Variants in MCM8 observed in about 807,000 individuals in gnomAD.
MCM8 encodes minichromosome maintenance 8 homologous recombination repair factor.
A neutral mutation model predicts 98.9 loss-of-function variants in MCM8; 85 were observed. The ratio of observed to expected loss-of-function variants is 0.86; its 90% CI spans 0.72 to 1.03. The LOEUF (loss-of-function observed/expected upper bound fraction) is 1.03, where lower values mean the gene tolerates loss of function less well. MCM8 is among the 50% of genes least tolerant of loss of function. MCM8 has a pLI of 0.00. For missense variants in MCM8, 951 were observed against 997.8 expected (o/e 0.95, Z 0.63); for synonymous variants, 352 against 338.6 (o/e 1.04, Z -0.44).
Position 5,955,009 on chromosome 20 carries a change from G to C in MCM8, c.337-93G>C, listed in dbSNP as rs1203410783. The C allele has an allele frequency of 1.3e-5, 11 of 859,272 alleles. No individual in the cohort carries two copies. In the East Asian group the frequency reaches 2.6e-4, roughly 20 times the overall value. The allele number at this position is 859,272 out of a possible 1,614,324, so 53.2% of individuals were successfully genotyped here. On this transcript the variant is annotated intron_variant, in intron 4 of 18. Transcript: ENST00000610722. ...CTTACCATTATCACATATAAACATT[G>C]TATGCTTTCTCAAAGTCTATAATAG...
intron 13 of MCM8, among the ~76,000 whole-genome samples, chr20:5,979,089 G>A (rs1024590909): frequency 6.6e-6 from 1 of 152,144 alleles, no homozygotes; most frequent in African/African-American, 2.4e-5. Context: ...AGTTAAGGTC[G>A]TTCATTCCTT....
intron 12 of MCM8, among the ~76,000 whole-genome samples, chr20:5,975,843 T>C (rs963041532): frequency 1.3e-5 from 2 of 151,858 alleles, no homozygotes; most frequent in Non-Finnish European, 2.9e-5. Context: ...TGTTCTAAAA[T>C]GTGTCCAGTG....
In MCM8 at chr20:5,958,533, A is replaced by G. The variant is rs1435119035; in HGVS notation, c.596A>G (p.Tyr199Cys). The G allele has an allele frequency of 1.9e-6, 3 of 1,613,550 alleles. No homozygotes were observed. The highest frequency in any genetic ancestry group is 4.5e-5 in the East Asian group (2 of 44,874). The change falls in exon 7 of 19, where the codon TAC (tyrosine) becomes TGC (cysteine). Residue 199 changes from tyrosine to cysteine, a missense_variant. Transcript: ENST00000610722. Reference sequence around the variant, plus strand: ...ACTTCCTGTTTTGTCTTTAGGGTGTACAACTATGAGCCTTTGACACAGCTC... The same window carrying G: ...ACTTCCTGTTTTGTCTTTAGGGTGTGCAACTATGAGCCTTTGACACAGCTC... ...VNVPHIHARV[Y>C]NYEPLTQLKN...
At chr20:5,976,650 C>T (rs181259230) in intron 12 of MCM8, among the ~76,000 whole-genome samples, 3 of 152,318 alleles carry the variant, frequency 2.0e-5, no homozygotes, top group African/African-American at 4.8e-5. Flanking sequence ...ATGCACTGCG[C>T]GTGCCCCCAG....
chr20:5,961,817 G>A (rs1331159029), intron 7 of MCM8, among the ~76,000 whole-genome samples: 1 of 152,174 alleles, frequency 6.6e-6, no homozygotes, highest in Non-Finnish European at 1.5e-5. Flanking sequence ...ACTCATGTGT[G>A]ATGTCGTGAA....
At chr20:5,961,114 G>C (rs2089131836) in intron 7 of MCM8, among the ~76,000 whole-genome samples, 1 of 152,170 alleles carries the variant, frequency 6.6e-6, no homozygotes, top group South Asian at 2.1e-4. Context: ...GGTGGCATAT[G>C]CCTGTAGTCC....
At chr20:5,962,769 A>G (rs2089181872) in intron 7 of MCM8, among the ~76,000 whole-genome samples, 1 of 152,236 alleles carries the variant, frequency 6.6e-6, no homozygotes, top group Admixed American at 6.5e-5. Flanking sequence ...CCACAGTCTG[A>G]ATTTATAAAT....
At position 5,951,922 on chromosome 20, in the gene MCM8, A is replaced by G. The variant is rs532103526; in HGVS notation, c.-5-89A>G. ...TTTGCTACTCTTGAACCTAGAATAC[A>G]TTAATTTTTCCCTTTTTATTAATAC... On this transcript the variant is annotated intron_variant, in intron 1 of 18. Coordinates refer to ENST00000610722, the MANE Select transcript of MCM8 (RefSeq NM_032485.6). 2.1e-6 allele frequency: 3 copies of G among 1,415,324 alleles called. No homozygotes were observed. The South Asian group carries it at 4.3e-5, about 21-fold the overall frequency. The allele number at this position is 1,415,324 out of a possible 1,614,324, so 87.7% of individuals were successfully genotyped here. A position where few individuals can be genotyped will look rare whatever the true frequency, so the allele number is the denominator to read the frequency against.
intron 17 of MCM8, among the ~76,000 whole-genome samples, chr20:5,987,565 A>G (rs2089759319): frequency 6.6e-6 from 1 of 152,210 alleles, no homozygotes; most frequent in Non-Finnish European, 1.5e-5. Context: ...ATACATTTAC[A>G]TAGTGCTAAA....
Position 5,952,577 on chromosome 20 carries a change from C to T in MCM8, c.253+49C>T, listed in dbSNP as rs1445366661. The T allele has an allele frequency of 4.0e-6, 6 of 1,483,700 alleles. No individual in the cohort carries two copies. In the African/African-American group the frequency reaches 7.0e-5, roughly 17 times the overall value. 91.9% of individuals were successfully genotyped at this position (1,483,700 alleles called of 1,614,324 possible). A position where few individuals can be genotyped will look rare whatever the true frequency, so the allele number is the denominator to read the frequency against. Reference sequence around the variant, plus strand: ...AGCACCATAAATCATATTTTCTTAACTTGTCTTTGGATGCTACATCTTGTA... The same window carrying T: ...AGCACCATAAATCATATTTTCTTAATTTGTCTTTGGATGCTACATCTTGTA... On this transcript the variant is annotated intron_variant, in intron 3 of 18. Transcript: ENST00000610722.
At chr20:5,989,536 A>G (rs1358354380) in intron 17 of MCM8, among the ~76,000 whole-genome samples, 2 of 152,188 alleles carry the variant, frequency 1.3e-5, no homozygotes, top group Non-Finnish European at 2.9e-5. Context: ...GAAGTTTCCA[A>G]AATCACCCTT....
chr20:5,960,473 A>T (rs1312490179), intron 7 of MCM8, among the ~76,000 whole-genome samples: 1 of 152,004 alleles, frequency 6.6e-6, no homozygotes, highest in Non-Finnish European at 1.5e-5. Flanking sequence ...GGAGTTCTTT[A>T]TACATTCTAG....
At chr20:5,986,257 G>C in intron 16 of MCM8, 126 bp downstream of exon 16, 3 of 803,684 alleles carry the variant, frequency 3.7e-6, no homozygotes, top group Non-Finnish European at 3.9e-6. Context: ...TGTTAGAAAT[G>C]GATGGATGAA....
chr20:5,974,710 C>T (rs1365304569), intron 12 of MCM8, among the ~76,000 whole-genome samples: 2 of 152,166 alleles, frequency 1.3e-5, no homozygotes, highest in Non-Finnish European at 2.9e-5. Context: ...TTGAGAACTG[C>T]TTTGATCTTG....
In MCM8 at chr20:5,954,687, C is replaced by T; in HGVS notation, c.333C>T (p.Asp111=). The part of the protein sequence containing the change: ...KFFTRHIDLY[D]KDEIERKGSI... ...TCACAAGGCATATTGATTTGTATGA[C>T]AAGGTAAGATTCCTCTACAGCAAAG... Residue 111 remains aspartate, a synonymous_variant, in exon 4 of 19, where the codon GAC becomes GAT. Transcript: ENST00000610722. 3 of 1,571,436 alleles carry T rather than the reference C, an allele frequency of 1.9e-6. No homozygotes were observed. Among genetic ancestry groups the T allele is most frequent in the Non-Finnish European group, 2.6e-6 (3 of 1,142,282 alleles).
At position 5,997,993 on chromosome 20, in the gene MCM8, TA is replaced by T. The variant is rs1891885438; in HGVS notation, c.*3605del. The T allele has an allele frequency of 6.6e-6, 1 of 152,236 alleles. No homozygotes were observed. The highest frequency in any genetic ancestry group is 2.4e-5 in the African/African-American group (1 of 41,460). 9.4% of individuals were successfully genotyped at this position (152,236 alleles called of 1,614,324 possible). A position where few individuals can be genotyped will look rare whatever the true frequency, so the allele number is the denominator to read the frequency against. The stretch of plus-strand genomic sequence containing the variant: ...GGGTATAACTGAACGAGAAGAGGAA[TA>T]AACACCACCCTGTGATTGATGGATC... On this transcript the variant is annotated 3_prime_UTR_variant, in exon 19 of 19. Coordinates refer to ENST00000610722, the MANE Select transcript of MCM8 (RefSeq NM_032485.6).
Position 5,963,431 on chromosome 20 carries a change from TG to T in MCM8, c.875+73del, listed in dbSNP as rs768715682. The T allele has an allele frequency of 4.6e-3, 4,915 of 1,064,170 alleles. 24 individuals carry two copies. The highest frequency in any genetic ancestry group is 7.0e-3 in the Middle Eastern group (35 of 5,014). The allele number at this position is 1,064,170 out of a possible 1,614,324, so 65.9% of individuals were successfully genotyped here. The stretch of plus-strand genomic sequence containing the variant: ...CTGTTGAGAAAATCCATAATTTTAC[TG>T]TATTATATTGTACGTTTTATCTAAA... On this transcript the variant is annotated intron_variant, in intron 8 of 18. Transcript: ENST00000610722.
chr20:5,998,396 C>T lies in MCM8; in HGVS notation c.*4005C>T, dbSNP rs1412782942. On this transcript the variant is annotated 3_prime_UTR_variant, in exon 19 of 19. Transcript: ENST00000610722. ...CAGAACTGAGGAGAGAGCCATCTTCCTCTTGCTTGTGTTCTGGTGGCATGT... is the reference window on the plus strand; with the variant it reads ...CAGAACTGAGGAGAGAGCCATCTTCTTCTTGCTTGTGTTCTGGTGGCATGT... 1 of 152,238 alleles carries T rather than the reference C, an allele frequency of 6.6e-6. No individual in the cohort carries two copies. Among genetic ancestry groups the T allele is most frequent in the African/African-American group, 2.4e-5 (1 of 41,452 alleles). 9.4% of individuals were successfully genotyped at this position (152,238 alleles called of 1,614,324 possible).
Position 5,952,429 on chromosome 20 carries a change from AC to A in MCM8, c.158del (p.Pro53HisfsTer40). On this transcript the variant is annotated frameshift_variant, in exon 3 of 19. Transcript: ENST00000610722. LOFTEE classifies it high-confidence loss of function. ...TAGTATTTTATTTTTTTCAGAACAAACCCCACAGTTTTTGCTTTCAACAAAG... is the reference window on the plus strand; with the variant it reads ...TAGTATTTTATTTTTTTCAGAACAAACCCACAGTTTTTGCTTTCAACAAAG... ...KTTGKRTSEQ[T>X]PQFLLSTKTP... is the part of the protein sequence containing the mutation. 2.5e-6 allele frequency: 4 copies of A among 1,613,680 alleles called. No homozygotes were observed.
Sources: allele counts gnomAD v4.1 joint callset (sites outside exome capture counted in the v4.1 genomes callset), GRCh38; gene constraint gnomAD v4.1.1; transcripts MANE v1.5; gene names NCBI Gene and HGNC (gene_info 2026-07-23, HGNC 2026-07-21).